LRRC4C: variants seen among roughly 807,000 people sequenced by gnomAD.
LRRC4C encodes leucine rich repeat containing 4C, also known as leucine-rich repeat-containing protein 4C.
LRRC4C carries 5 observed loss-of-function variants against 33.6 expected under a neutral mutation model. That is an observed-to-expected ratio of 0.15 (90% CI 0.08 to 0.31). The LOEUF (loss-of-function observed/expected upper bound fraction) is 0.31. Ranked by LOEUF, LRRC4C falls within the 10% of genes least tolerant of loss-of-function variation. LRRC4C has a pLI of 1.00. For missense variants in LRRC4C, 560 were observed against 796.7 expected (o/e 0.70, Z 3.58); for synonymous variants, 329 against 302.0 (o/e 1.09, Z -0.93).
intron 3 of LRRC4C, among the ~76,000 whole-genome samples, chr11:40,442,574 A>G (rs927730670): frequency 6.6e-6 from 1 of 152,194 alleles, no homozygotes; most frequent in African/African-American, 2.4e-5. Flanking sequence ...TGTGCTGGGG[A>G]AAGTTACAGT....
chr11:40,298,907 C>G (rs530577353), intron 4 of LRRC4C, among the ~76,000 whole-genome samples: 1 of 152,018 alleles, frequency 6.6e-6, no homozygotes, highest in African/African-American at 2.4e-5. Context: ...GGGGGAAATG[C>G]TCCCATGATG....
chr11:40,650,822 C>T (rs1942750077), intron 2 of LRRC4C, among the ~76,000 whole-genome samples: 1 of 152,062 alleles, frequency 6.6e-6, no homozygotes. Context: ...TTCTCTTTGG[C>T]CAGCCCATAA....
intron 1 of LRRC4C, among the ~76,000 whole-genome samples, chr11:41,222,503 T>A (rs751313411): frequency 7.2e-5 from 11 of 152,126 alleles, no homozygotes; most frequent in Non-Finnish European, 1.6e-4. Context: ...CAACACCATA[T>A]GACAACAAAC....
At chr11:40,645,113 G>T (rs1942368203) in intron 3 of LRRC4C, among the ~76,000 whole-genome samples, 1 of 152,092 alleles carries the variant, frequency 6.6e-6, no homozygotes, top group South Asian at 2.1e-4. Flanking sequence ...TCAGTTTATA[G>T]CCCTGATACC....
chr11:40,828,160 C>CAT (rs937424853), intron 2 of LRRC4C, among the ~76,000 whole-genome samples: 14 of 150,754 alleles, frequency 9.3e-5, no homozygotes, highest in Non-Finnish European at 1.8e-4. Context: ...CATACACACA[C>CAT]ACACACACAC....
chr11:40,927,690 C>T (rs867960147), intron 2 of LRRC4C, among the ~76,000 whole-genome samples: 14 of 151,664 alleles, frequency 9.2e-5, no homozygotes, highest in South Asian at 2.1e-4. Flanking sequence ...AAAGCCTCTT[C>T]GGGCAGTTAA....
intron 1 of LRRC4C, among the ~76,000 whole-genome samples, chr11:40,940,305 T>TAATTG (rs1958086832): frequency 6.6e-6 from 1 of 152,124 alleles, no homozygotes; most frequent in African/African-American, 2.4e-5. Context: ...TAGAATAGTA[T>TAATTG]ATTATTATTT....
chr11:40,975,951 G>T (rs555892498), intron 1 of LRRC4C, among the ~76,000 whole-genome samples: 4 of 152,224 alleles, frequency 2.6e-5, no homozygotes, highest in African/African-American at 9.6e-5. Context: ...GTCTCATCAG[G>T]CATAGCCTTA....
At chr11:40,170,913 C>A (rs1859993027) in intron 5 of LRRC4C, among the ~76,000 whole-genome samples, 2 of 152,146 alleles carry the variant, frequency 1.3e-5, no homozygotes, top group Middle Eastern at 3.2e-3. Context: ...CTTCTCAGAG[C>A]CTTTTACACG....
At chr11:40,890,446 C>A (rs565861468) in intron 2 of LRRC4C, among the ~76,000 whole-genome samples, 2 of 152,264 alleles carry the variant, frequency 1.3e-5, no homozygotes, top group South Asian at 4.2e-4. Context: ...CTCATGAGGG[C>A]AAAGGCCTCA....
At chr11:41,295,218 C>A (rs555011971) in intron 1 of LRRC4C, among the ~76,000 whole-genome samples, 1 of 152,164 alleles carries the variant, frequency 6.6e-6, no homozygotes, top group African/African-American at 2.4e-5. Context: ...AATTATCACA[C>A]TTTATGGAAA....
chr11:41,314,248 C>G (rs1419595354), intron 1 of LRRC4C, among the ~76,000 whole-genome samples: 1 of 152,148 alleles, frequency 6.6e-6, no homozygotes, highest in African/African-American at 2.4e-5. Context: ...TAAAGCTGCC[C>G]TTGAATGCCT....
chr11:40,491,825 C>T (rs962168435), intron 3 of LRRC4C, among the ~76,000 whole-genome samples: 11 of 152,122 alleles, frequency 7.2e-5, no homozygotes, highest in African/African-American at 1.4e-4. Context: ...TATCTCATCA[C>T]GTTCACAGTC....
chr11:41,302,840 C>A (rs1442403946), intron 1 of LRRC4C, among the ~76,000 whole-genome samples: 1 of 151,998 alleles, frequency 6.6e-6, no homozygotes, highest in Non-Finnish European at 1.5e-5. Context: ...TCACAATTGC[C>A]CACTATACTC....
intron 3 of LRRC4C, among the ~76,000 whole-genome samples, chr11:40,556,314 AGTTCT>A (rs1489984900): frequency 6.6e-6 from 1 of 152,192 alleles, no homozygotes; most frequent in East Asian, 1.9e-4. Context: ...TTTCCTACCA[AGTTCT>A]GTTTGTTATG....
chr11:40,530,536 A>C (rs1368644010), intron 3 of LRRC4C, among the ~76,000 whole-genome samples: 1 of 152,202 alleles, frequency 6.6e-6, no homozygotes, highest in Non-Finnish European at 1.5e-5. Flanking sequence ...CACTTAGCAC[A>C]GAGCCTATGC....
intron 5 of LRRC4C, among the ~76,000 whole-genome samples, chr11:40,218,109 C>A (rs545089883): frequency 1.3e-5 from 2 of 152,196 alleles, no homozygotes; most frequent in Admixed American, 1.3e-4. Context: ...CAAGATAGAT[C>A]TGAATACTTA....
At chr11:40,365,956 A>C (rs1948189634) in intron 3 of LRRC4C, among the ~76,000 whole-genome samples, 1 of 152,110 alleles carries the variant, frequency 6.6e-6, no homozygotes, top group African/African-American at 2.4e-5. Context: ...GTTCAGTTCA[A>C]CAAATATTTA....
chr11:41,074,678 G>C (rs1257204651), intron 1 of LRRC4C, among the ~76,000 whole-genome samples: 1 of 152,108 alleles, frequency 6.6e-6, no homozygotes, highest in Non-Finnish European at 1.5e-5. Flanking sequence ...AGTCTTTTCT[G>C]ACTTACTGAA....
Sources: gnomAD v4.1 joint callset for allele counts (sites outside exome capture counted in the v4.1 genomes callset) on GRCh38, gnomAD v4.1.1 for gene constraint, MANE v1.5 for transcripts, NCBI Gene and HGNC (gene_info 2026-07-23, HGNC 2026-07-21) for gene names.